EGFLAM: variants seen among roughly 807,000 people sequenced by gnomAD.
EGFLAM encodes the protein pikachurin.
Under a neutral mutation model 113.1 loss-of-function variants are expected in EGFLAM, and 79 were observed. The ratio of observed to expected loss-of-function variants is 0.70; its 90% CI spans 0.58 to 0.84. The LOEUF (loss-of-function observed/expected upper bound fraction) is 0.84, where lower values mean the gene tolerates loss of function less well. Among genes scored for constraint, EGFLAM ranks in the 40% least tolerant of loss-of-function variants. The pLI, the probability that EGFLAM is intolerant of heterozygous loss-of-function variation, is 0.00. For synonymous variants in EGFLAM, 504 were observed against 487.6 expected (o/e 1.03, Z -0.44); for missense variants, 1,265 against 1,291.6 (o/e 0.98, Z 0.32).
At chr5:38,261,474 T>G (rs1757499271) in intron 1 of EGFLAM, among the ~76,000 whole-genome samples, 1 of 152,166 alleles carries the variant, frequency 6.6e-6, no homozygotes, top group Non-Finnish European at 1.5e-5. Context: ...AATTGTGGCT[T>G]AGAGAGGTTA....
chr5:38,358,770 G>C (rs1739836495), intron 5 of EGFLAM, among the ~76,000 whole-genome samples: 3 of 152,074 alleles, frequency 2.0e-5, no homozygotes, highest in African/African-American at 7.2e-5. Flanking sequence ...TGGTCTGGAG[G>C]CTATTTGTTA....
intron 3 of EGFLAM, among the ~76,000 whole-genome samples, chr5:38,341,417 A>G (rs1454688232): frequency 6.6e-6 from 1 of 152,210 alleles, no homozygotes; most frequent in Non-Finnish European, 1.5e-5. Context: ...CTCACTCACT[A>G]TCACGAGAAC....
In EGFLAM at chr5:38,315,663, T is replaced by TAGGA. The variant is rs1738574777; in HGVS notation, c.98-21855_98-21854insGAAG. ...GAGGCTGGTTTCTGACCTGGATTCC[T>TAGGA]AGCTGTCACCTATGAGGTGTGTGAC... On this transcript the variant is annotated intron_variant, in intron 1 of 21. Transcript: ENST00000322350. 2.0e-5 allele frequency among the ~76,000 whole-genome samples: 3 copies of TAGGA among 152,318 alleles called. 1 individual carries two copies. The South Asian group carries it at 6.2e-4, about 32-fold the overall frequency.
chr5:38,271,262 A>G (rs1047929751), intron 1 of EGFLAM, among the ~76,000 whole-genome samples: 4 of 152,174 alleles, frequency 2.6e-5, no homozygotes, highest in Admixed American at 2.6e-4. Context: ...AAATTTCTTT[A>G]GCTACTTTTT....
At chr5:38,419,956 G>A (rs1741773514) in intron 12 of EGFLAM, among the ~76,000 whole-genome samples, 1 of 152,188 alleles carries the variant, frequency 6.6e-6, no homozygotes, top group Non-Finnish European at 1.5e-5. Flanking sequence ...GAACCTGGGA[G>A]GCAGAGGTTG....
chr5:38,410,494 A>G (rs1241237434), intron 10 of EGFLAM, among the ~76,000 whole-genome samples: 2 of 152,192 alleles, frequency 1.3e-5, no homozygotes. Context: ...GGATCTCGAG[A>G]CAAAGGGAGG....
At chr5:38,336,679 A>G (rs1307094674) in intron 1 of EGFLAM, among the ~76,000 whole-genome samples, 2 of 151,922 alleles carry the variant, frequency 1.3e-5, no homozygotes, top group African/African-American at 4.8e-5. Context: ...CAACTTTTTG[A>G]GCACCAATAT....
intron 1 of EGFLAM, among the ~76,000 whole-genome samples, chr5:38,309,517 T>C (rs1264342470): frequency 6.6e-6 from 1 of 152,190 alleles, no homozygotes; most frequent in Non-Finnish European, 1.5e-5. Context: ...CCCATTAGCC[T>C]GTGGTGTGAA....
intron 12 of EGFLAM, among the ~76,000 whole-genome samples, chr5:38,421,943 T>A (rs1741837724): frequency 6.6e-6 from 1 of 152,062 alleles, no homozygotes; most frequent in South Asian, 2.1e-4. Flanking sequence ...CTTTCAGGGA[T>A]ACATGTAGAC....
chr5:38,360,819 A>ATTATTTATTTAT (rs141116123), intron 5 of EGFLAM, among the ~76,000 whole-genome samples: 1 of 141,820 alleles, frequency 7.1e-6, no homozygotes, highest in African/African-American at 2.7e-5. Context: ...GTGTTTTGAA[A>ATTATTTATTTAT]TTATTTATTT....
At chr5:38,335,947 A>G (rs1739170710) in intron 1 of EGFLAM, among the ~76,000 whole-genome samples, 1 of 152,206 alleles carries the variant, frequency 6.6e-6, no homozygotes, top group African/African-American at 2.4e-5. Flanking sequence ...ATCAAGTTGC[A>G]GAATGTTCAT....
intron 14 of EGFLAM, among the ~76,000 whole-genome samples, chr5:38,427,888 G>GT (rs1742067615): frequency 6.6e-6 from 1 of 152,182 alleles, no homozygotes. Flanking sequence ...CAGAATTGGT[G>GT]TAAGTAGTCA....
At position 38,427,253 on chromosome 5, in the gene EGFLAM, G is replaced by A; in HGVS notation, c.2054+1G>A. ...GTGGCTCTGGGACCGGTGTCCTCAG[G>A]TGAGGGCTGAAAACTTCTGGGACTC... On this transcript the variant is annotated splice_donor_variant, in intron 14 of 21. Transcript: ENST00000322350. LOFTEE classifies it high-confidence loss of function. 2 of 1,612,824 alleles carry A rather than the reference G, an allele frequency of 1.2e-6. No homozygotes were observed. The highest frequency in any genetic ancestry group is 1.7e-6 in the Non-Finnish European group (2 of 1,179,420).
intron 20 of EGFLAM, 188 bp from the exon 21 acceptor site, chr5:38,462,720 C>T: frequency 1.7e-6 from 1 of 589,424 alleles, no homozygotes; most frequent in Non-Finnish European, 2.9e-6. Flanking sequence ...TTTTGTCTTC[C>T]TCAGTAGACC....
intron 1 of EGFLAM, among the ~76,000 whole-genome samples, chr5:38,271,752 A>T (rs1285617406): frequency 1.3e-5 from 2 of 152,178 alleles, no homozygotes; most frequent in Non-Finnish European, 2.9e-5. Context: ...ATATTATGTT[A>T]TCTGTCTACT....
At chr5:38,351,933 G>A (rs944072821) in intron 4 of EGFLAM, among the ~76,000 whole-genome samples, 1 of 152,112 alleles carries the variant, frequency 6.6e-6, no homozygotes, top group South Asian at 2.1e-4. Context: ...TTGCAGTCAG[G>A]GGTGCAACGG....
At chr5:38,314,434 T>C (rs1449192532) in intron 1 of EGFLAM, among the ~76,000 whole-genome samples, 1 of 152,216 alleles carries the variant, frequency 6.6e-6, no homozygotes, top group East Asian at 1.9e-4. Flanking sequence ...AGAACCATTA[T>C]GTGAATGTGA....
At chr5:38,290,064 G>A (rs1255088281) in intron 1 of EGFLAM, among the ~76,000 whole-genome samples, 8 of 152,206 alleles carry the variant, frequency 5.3e-5, no homozygotes, top group Admixed American at 5.2e-4. Context: ...GCATTAAAGA[G>A]TGTCTTAGTT....
At chr5:38,294,625 G>T (rs1469044500) in intron 1 of EGFLAM, among the ~76,000 whole-genome samples, 1 of 151,802 alleles carries the variant, frequency 6.6e-6, no homozygotes, top group African/African-American at 2.4e-5. Flanking sequence ...ATGGTCACAG[G>T]GTGATGCTCC....
Sources: gnomAD v4.1 joint callset for allele counts (sites outside exome capture counted in the v4.1 genomes callset) on GRCh38, gnomAD v4.1.1 for gene constraint, MANE v1.5 for transcripts, NCBI Gene and HGNC (gene_info 2026-07-23, HGNC 2026-07-21) for gene names.